The following USH2A variants were observed in gnomAD, a reference collection of about 807,000 sequenced individuals.
The protein encoded by USH2A is usherin, also known as Usher syndrome 2A (autosomal recessive, mild).
A neutral mutation model predicts 538.9 loss-of-function variants in USH2A; 443 were observed. The observed-to-expected ratio is 0.82, with a 90% CI of 0.76 to 0.89. The LOEUF (loss-of-function observed/expected upper bound fraction) is 0.89. Among genes scored for constraint, USH2A ranks in the 40% least tolerant of loss-of-function variants. The pLI is 0.00. For missense variants in USH2A, 6,633 were observed against 6,324.8 expected, an observed-to-expected ratio of 1.05 and a Z score of -1.65; for synonymous variants, 2,413 against 2,273.5, an observed-to-expected ratio of 1.06 and a Z score of -1.75.
chr1:216,401,991 C>G (rs2039313268), intron 3 of USH2A, among the ~76,000 whole-genome samples: 1 of 152,074 alleles, frequency 6.6e-6, no homozygotes, highest in African/African-American at 2.4e-5. Context: ...TTCACACCTA[C>G]TCTTAAATAA....
chr1:216,199,984 A>G lies in USH2A; in HGVS notation c.3454T>C (p.Leu1152=), dbSNP rs2102467185. 2 of 1,614,126 alleles carry G rather than the reference A, an allele frequency of 1.2e-6. No homozygotes were observed. Among genetic ancestry groups the G allele is most frequent in the Non-Finnish European group, 1.7e-6 (2 of 1,179,988 alleles). The stretch of plus-strand genomic sequence containing the variant: ...ATAGGAATGATATAACTTAAAGTCA[A>G]GTTTCCCTCTGGGACCCCTGGTTTT... The part of the protein sequence containing the change: ...KTKPGVPEGN[L]TLSYIIPIGS... The change falls in exon 17 of 72, where the codon TTG becomes CTG. Residue 1152 remains leucine (L), a synonymous_variant. Transcript: ENST00000307340.
intron 58 of USH2A, among the ~76,000 whole-genome samples, chr1:215,746,850 T>TAA (rs1215341985): frequency 7.2e-5 from 11 of 152,228 alleles, no homozygotes; most frequent in Admixed American, 7.2e-4. Flanking sequence ...TGCCTTTTTT[T>TAA]GGAGTATCAC....
At chr1:215,840,432 A>G (rs1663647177) in intron 46 of USH2A, among the ~76,000 whole-genome samples, 1 of 152,160 alleles carries the variant, frequency 6.6e-6, no homozygotes, top group South Asian at 2.1e-4. Context: ...TTCACAAAAA[A>G]TATAGTAATC....
rs562457295 is a variant in USH2A at position 215,844,484 on chromosome 1, A to T, written c.9068T>A (p.Met3023Lys). 6.2e-7 allele frequency: 1 copy of T among 1,609,808 alleles called. No homozygotes were observed. The highest frequency in any genetic ancestry group is 8.5e-7 in the Non-Finnish European group (1 of 1,179,790). ...ATTCDGEPQG[M>K]LPPEVVIINS... ...GATGATGACAACCTCTGGAGGAAGC[A>T]TGCCCTGAGGCTCTAGAATTAAAGG... The change falls in exon 46 of 72, where the codon ATG becomes AAG. Residue 3023 changes from methionine (M) to lysine (K), a missense_variant. By Grantham distance (95) the Met-to-Lys change is moderately conservative. Coordinates refer to ENST00000307340, the MANE Select transcript of USH2A (RefSeq NM_206933.4).
At chr1:216,027,655 TA>T (rs1669001877) in intron 32 of USH2A, among the ~76,000 whole-genome samples, 1 of 152,202 alleles carries the variant, frequency 6.6e-6, no homozygotes, top group Admixed American at 6.5e-5. Context: ...TCTGCAGACC[TA>T]TAATTTCCAC....
In USH2A at chr1:216,073,310, A is replaced by G; in HGVS notation, c.5573-10T>C. ...ATGCAACCACCGAAACCTAGCAAAT[A>G]GTAAGGGATTAGTATCGCATAAAGG... On this transcript the variant is annotated splice_polypyrimidine_tract_variant and intron_variant, in intron 27 of 71. Transcript: ENST00000307340. 6.3e-7 allele frequency: 1 copy of G among 1,596,810 alleles called. No individual in the cohort carries two copies. The highest frequency in any genetic ancestry group is 8.5e-7 in the Non-Finnish European group (1 of 1,175,168).
chr1:215,797,680 C>T (rs777518700), intron 50 of USH2A, among the ~76,000 whole-genome samples: 2 of 151,984 alleles, frequency 1.3e-5, no homozygotes, highest in Non-Finnish European at 2.9e-5. Context: ...GTATTTTAAG[C>T]TCATTATTGA....
intron 32 of USH2A, among the ~76,000 whole-genome samples, chr1:216,018,457 C>T (rs1668768696): frequency 6.6e-6 from 1 of 152,178 alleles, no homozygotes; most frequent in Non-Finnish European, 1.5e-5. Context: ...CTTGCAAGCA[C>T]AGAGCCTGGG....
intron 58 of USH2A, among the ~76,000 whole-genome samples, chr1:215,748,547 C>T (rs1243966863): frequency 6.6e-6 from 1 of 152,122 alleles, no homozygotes; most frequent in Non-Finnish European, 1.5e-5. Flanking sequence ...GTTTTCAGAC[C>T]TCCTGGGATT....
At chr1:215,998,822 G>T in intron 34 of USH2A, 65 bp downstream of exon 34, 1 of 1,550,348 alleles carries the variant, frequency 6.5e-7, no homozygotes, top group South Asian at 1.1e-5. Flanking sequence ...AGAAAAGATG[G>T]ACCACGGGAA....
intron 32 of USH2A, among the ~76,000 whole-genome samples, chr1:216,001,646 T>C (rs2102484156): frequency 6.6e-6 from 1 of 152,278 alleles, no homozygotes; most frequent in Non-Finnish European, 1.5e-5. Context: ...ACAATTTAAG[T>C]AACACAGATT....
intron 37 of USH2A, among the ~76,000 whole-genome samples, chr1:215,946,858 T>G (rs2102436839): frequency 6.6e-6 from 1 of 152,292 alleles, no homozygotes; most frequent in Non-Finnish European, 1.5e-5. Flanking sequence ...AACTGAAAAC[T>G]TATGACATCT....
intron 42 of USH2A, among the ~76,000 whole-genome samples, chr1:215,878,150 G>C (rs958794651): frequency 6.6e-6 from 1 of 151,994 alleles, no homozygotes; most frequent in Non-Finnish European, 1.5e-5. Flanking sequence ...TTCTAAGTTA[G>C]ATGTGCCAAA....
chr1:215,793,689 A>G (rs1662044211), intron 50 of USH2A, among the ~76,000 whole-genome samples: 1 of 152,196 alleles, frequency 6.6e-6, no homozygotes, highest in Admixed American at 6.6e-5. Context: ...TTCCCATCTT[A>G]TGAAACAAAC....
chr1:216,054,688 C>A (rs374355015), intron 30 of USH2A, among the ~76,000 whole-genome samples: 33 of 152,000 alleles, frequency 2.2e-4, no homozygotes, highest in Admixed American at 9.8e-4. Context: ...AGCTGCCAAC[C>A]AAGGTGTTTG....
intron 21 of USH2A, among the ~76,000 whole-genome samples, chr1:216,131,079 AAT>A (rs2033367241): frequency 6.6e-6 from 1 of 151,892 alleles, no homozygotes; most frequent in Non-Finnish European, 1.5e-5. Context: ...GCATGTTTTT[AAT>A]ATGTCTGTTG....
chr1:216,288,239 T>C lies in USH2A; in HGVS notation c.1971+1041A>G. 3.3e-5 allele frequency among the ~76,000 whole-genome samples: 5 copies of C among 152,268 alleles called. No homozygotes were observed. The East Asian group carries it at 9.7e-4, about 29-fold the overall frequency. On this transcript the variant is annotated intron_variant, in intron 11 of 71. Transcript: ENST00000307340. ...CTAATTAATATATGGAAAACTGTAG[T>C]ATGACTTTCTGAGAAAATAGTCCCT...
chr1:215,897,536 A>C (rs998776857), intron 40 of USH2A, among the ~76,000 whole-genome samples: 4 of 151,932 alleles, frequency 2.6e-5, no homozygotes, highest in Non-Finnish European at 4.4e-5. Context: ...AAATATTAAA[A>C]AAATTAGCTG....
intron 17 of USH2A, 96 bp from the exon 18 acceptor site, chr1:216,198,680 T>C: frequency 1.9e-6 from 2 of 1,078,384 alleles, no homozygotes. Context: ...GTGCTGGATA[T>C]TCATTGTCTT....
Sources: gnomAD v4.1 joint callset for allele counts (sites outside exome capture counted in the v4.1 genomes callset) on GRCh38, gnomAD v4.1.1 for gene constraint, MANE v1.5 for transcripts, NCBI Gene and HGNC (gene_info 2026-07-23, HGNC 2026-07-21) for gene names.